The following RSU1 variants were observed in gnomAD, a reference collection of about 807,000 sequenced individuals.
The protein encoded by RSU1 is rsu-1.
Under a neutral mutation model 31.1 loss-of-function variants are expected in RSU1, and 26 were observed. The observed-to-expected ratio is 0.84, with a 90% CI of 0.61 to 1.16. The LOEUF (loss-of-function observed/expected upper bound fraction) is 1.16, where lower values mean the gene tolerates loss of function less well. Among genes scored for constraint, RSU1 ranks in the 50% most tolerant of loss-of-function variants. The pLI is 0.00. For missense variants in RSU1, 320 were observed against 339.1 expected (o/e 0.94, Z 0.44); for synonymous variants, 164 against 136.3 (o/e 1.20, Z -1.41).
chr10:16,673,836 C>G (rs143668219), intron 8 of RSU1, among the ~76,000 whole-genome samples: 77 of 152,316 alleles, frequency 5.1e-4, no homozygotes, highest in Non-Finnish European at 9.0e-4. Context: ...AGTACTTTTT[C>G]TGACTTGCCA....
At chr10:16,656,131 T>C (rs1834772783) in intron 8 of RSU1, among the ~76,000 whole-genome samples, 1 of 152,036 alleles carries the variant, frequency 6.6e-6, no homozygotes, top group Non-Finnish European at 1.5e-5. Context: ...TAGAGAAAAA[T>C]TACAAAGTAC....
chr10:16,651,525 A>G (rs572243476), intron 8 of RSU1, among the ~76,000 whole-genome samples: 6 of 152,346 alleles, frequency 3.9e-5, no homozygotes, highest in African/African-American at 1.2e-4. Flanking sequence ...TGTAGAAAAG[A>G]CTTAGTTATT....
At chr10:16,814,913 T>G (rs978306595) in intron 2 of RSU1, among the ~76,000 whole-genome samples, 9 of 152,316 alleles carry the variant, frequency 5.9e-5, no homozygotes, top group African/African-American at 2.2e-4. Flanking sequence ...ATTCTCCCCA[T>G]TTATAAATAT....
chr10:16,697,455 C>G (rs11254157), intron 7 of RSU1, among the ~76,000 whole-genome samples: 55,514 of 151,934 alleles, frequency 0.37, 10,235 homozygotes, highest in East Asian at 0.42. Context: ...TCAGGAGTTC[C>G]AGACCACAAG....
intron 4 of RSU1, among the ~76,000 whole-genome samples, chr10:16,757,532 A>C (rs564873884): frequency 1.3e-4 from 20 of 152,350 alleles, no homozygotes; most frequent in Non-Finnish European, 2.4e-4. Context: ...TGAAGTCACA[A>C]TTTGTGAAGC....
At chr10:16,649,476 A>C (rs1211352720) in intron 8 of RSU1, among the ~76,000 whole-genome samples, 2 of 152,222 alleles carry the variant, frequency 1.3e-5, no homozygotes, top group African/African-American at 4.8e-5. Context: ...CTACTAAAAA[A>C]AGACAAAAGC....
At chr10:16,724,689 G>C (rs1009573226) in intron 7 of RSU1, among the ~76,000 whole-genome samples, 1 of 152,222 alleles carries the variant, frequency 6.6e-6, no homozygotes, top group Non-Finnish European at 1.5e-5. Context: ...AGGGGACATA[G>C]TGCTCACTCA....
rs182313254 is a variant in RSU1 at position 16,639,348 on chromosome 10, C to A, written c.732-45852G>T. On this transcript the variant is annotated intron_variant, in intron 8 of 8. Transcript: ENST00000345264. ...CCTTAAATTTCCCTCAAACCATTTT[C>A]AAACGATGGCAAAACAGCAGCCCTT... 2.1e-4 allele frequency among the ~76,000 whole-genome samples: 32 copies of A among 152,342 alleles called. No homozygotes were observed. In the East Asian group the frequency reaches 4.8e-3, roughly 23 times the overall value.
At chr10:16,594,609 CTAT>C (rs1376267239) in intron 8 of RSU1, among the ~76,000 whole-genome samples, 2 of 144,484 alleles carry the variant, frequency 1.4e-5, no homozygotes, top group Admixed American at 7.0e-5. Context: ...TATATAATAT[CTAT>C]TATATGATAT....
At chr10:16,679,517 G>T (rs1292632303) in intron 8 of RSU1, among the ~76,000 whole-genome samples, 1 of 152,174 alleles carries the variant, frequency 6.6e-6, no homozygotes, top group Admixed American at 6.5e-5. Flanking sequence ...TGGGCAGTAG[G>T]GAAACCTTCC....
intron 8 of RSU1, among the ~76,000 whole-genome samples, chr10:16,663,705 C>A (rs1834931368): frequency 6.6e-6 from 1 of 152,134 alleles, no homozygotes; most frequent in East Asian, 1.9e-4. Flanking sequence ...CATGTGATCA[C>A]CAAAATACAG....
At chr10:16,803,908 G>C (rs1252204903) in intron 2 of RSU1, among the ~76,000 whole-genome samples, 1 of 152,108 alleles carries the variant, frequency 6.6e-6, no homozygotes, top group African/African-American at 2.4e-5. Flanking sequence ...AAATCTAGTT[G>C]ACCTGAGATT....
chr10:16,774,848 A>G (rs1364601533), intron 3 of RSU1, among the ~76,000 whole-genome samples: 1 of 152,096 alleles, frequency 6.6e-6, no homozygotes, highest in Non-Finnish European at 1.5e-5. Context: ...AGTGGCCTGT[A>G]TTTCTGGTAC....
intron 8 of RSU1, among the ~76,000 whole-genome samples, chr10:16,605,790 G>A (rs1169108848): frequency 1.3e-5 from 2 of 152,112 alleles, no homozygotes; most frequent in Non-Finnish European, 2.9e-5. Context: ...TCCTCAGTTG[G>A]CTGCAGGGTT....
intron 8 of RSU1, among the ~76,000 whole-genome samples, chr10:16,621,618 G>A (rs887684179): frequency 1.3e-5 from 2 of 152,202 alleles, no homozygotes; most frequent in African/African-American, 4.8e-5. Flanking sequence ...TCACAATCAC[G>A]GTGGAAGGTG....
chr10:16,724,727 T>G (rs1487635160), intron 7 of RSU1, among the ~76,000 whole-genome samples: 1 of 152,220 alleles, frequency 6.6e-6, no homozygotes, highest in Non-Finnish European at 1.5e-5. Flanking sequence ...TCTATTTCAC[T>G]GCCAGTCCCA....
chr10:16,668,626 G>A (rs61842272), intron 8 of RSU1, among the ~76,000 whole-genome samples: 2,788 of 152,110 alleles, frequency 0.018, 46 homozygotes, highest in East Asian at 0.074. Context: ...AAGTTTTACT[G>A]CTTTCCCTGG....
chr10:16,621,312 G>A (rs1834065963), intron 8 of RSU1, among the ~76,000 whole-genome samples: 1 of 152,138 alleles, frequency 6.6e-6, no homozygotes, highest in Admixed American at 6.5e-5. Flanking sequence ...AATTTCTGGT[G>A]TAAGAAAAAC....
In RSU1 at chr10:16,803,781, C is replaced by A. The variant is rs1838210935; in HGVS notation, c.109+13192G>T. ...TGAAACAGATGGACATCAACACACA[C>A]ACAAAAATCAATCTAGACAAAGACC... On this transcript the variant is annotated intron_variant, in intron 2 of 8. Transcript: ENST00000345264. Among the ~76,000 whole-genome samples, 3 of 152,262 alleles carry A rather than the reference C, an allele frequency of 2.0e-5. No homozygotes were observed. The South Asian group carries it at 6.2e-4, about 32-fold the overall frequency.
Sources: gnomAD v4.1 joint callset for allele counts (sites outside exome capture counted in the v4.1 genomes callset) on GRCh38, gnomAD v4.1.1 for gene constraint, MANE v1.5 for transcripts, NCBI Gene and HGNC (gene_info 2026-07-23, HGNC 2026-07-21) for gene names.